The following DCC variants were observed in gnomAD, a reference collection of about 807,000 sequenced individuals.
DCC encodes the protein netrin receptor DCC.
DCC carries 58 observed loss-of-function variants against 172.5 expected under a neutral mutation model. The ratio of observed to expected loss-of-function variants is 0.34; its 90% CI spans 0.27 to 0.42. The LOEUF is 0.42. Among genes scored for constraint, DCC ranks in the 10% least tolerant of loss-of-function variants. The pLI is 1.00. For missense variants in DCC, 1,740 were observed against 1,791.0 expected, an observed-to-expected ratio of 0.97 and a Z score of 0.51; for synonymous variants, 709 against 644.5, an observed-to-expected ratio of 1.10 and a Z score of -1.52.
At chr18:53,503,024 G>A (rs1352881594) in intron 27 of DCC, among the ~76,000 whole-genome samples, 3 of 151,786 alleles carry the variant, frequency 2.0e-5, no homozygotes, top group Non-Finnish European at 2.9e-5. Context: ...CCTACCCACC[G>A]ACAGGCCCCA....
chr18:52,438,353 A>T (rs1021049749), intron 1 of DCC, among the ~76,000 whole-genome samples: 31 of 152,284 alleles, frequency 2.0e-4, no homozygotes, highest in African/African-American at 7.0e-4. Context: ...CTATTTCTCT[A>T]TGTGGTGTTT....
intron 25 of DCC, among the ~76,000 whole-genome samples, chr18:53,472,007 G>T (rs927057562): frequency 2.6e-5 from 4 of 152,082 alleles, no homozygotes; most frequent in African/African-American, 4.8e-5. Context: ...CCTGGCACAT[G>T]GTAGGCATGC....
intron 1 of DCC, among the ~76,000 whole-genome samples, chr18:52,725,488 A>G (rs911381242): frequency 1.3e-5 from 2 of 152,222 alleles, no homozygotes; most frequent in African/African-American, 4.8e-5. Context: ...ACCTATTGCT[A>G]CAGCCTGTGC....
Position 52,911,341 on chromosome 18 carries a change from C to A in DCC, c.697+5013C>A, listed in dbSNP as rs145858107. Reference sequence around the variant, plus strand: ...TTTGGAAGGTTTGCATAGATTATTACTTTTATAGGTCATAAGGGAAGAACT... The same window carrying A: ...TTTGGAAGGTTTGCATAGATTATTAATTTTATAGGTCATAAGGGAAGAACT... On this transcript the variant is annotated intron_variant, in intron 3 of 28. Coordinates refer to ENST00000442544, the MANE Select transcript of DCC (RefSeq NM_005215.4). Among the ~76,000 whole-genome samples the A allele has an allele frequency of 4.3e-3, 651 of 152,098 alleles. 8 individuals are homozygous for A. The highest frequency in any genetic ancestry group is 0.014 in the African/African-American group (585 of 41,522).
chr18:52,482,595 C>T (rs984542365), intron 1 of DCC, among the ~76,000 whole-genome samples: 5 of 152,120 alleles, frequency 3.3e-5, no homozygotes, highest in Non-Finnish European at 5.9e-5. Context: ...TCTCTGGGGT[C>T]CCTTTTATAA....
intron 1 of DCC, among the ~76,000 whole-genome samples, chr18:52,679,349 T>G (rs1189404598): frequency 1.3e-5 from 2 of 152,004 alleles, no homozygotes; most frequent in Non-Finnish European, 2.9e-5. Context: ...AGCTTTACAT[T>G]TTTTGATAGT....
chr18:52,728,937 G>T (rs1188724739), intron 1 of DCC, among the ~76,000 whole-genome samples: 1 of 152,172 alleles, frequency 6.6e-6, no homozygotes, highest in Non-Finnish European at 1.5e-5. Flanking sequence ...GAAGTGATTA[G>T]AAATATTAAT....
intron 8 of DCC, 143 bp downstream of exon 8, chr18:53,157,655 G>T: frequency 1.2e-6 from 1 of 817,750 alleles, no homozygotes; most frequent in East Asian, 2.7e-5. Context: ...ATTCCCCAGT[G>T]GAGATGTGCA....
In DCC at chr18:53,474,795, G is replaced by A. The variant is rs573600882; in HGVS notation, c.3736+6785G>A. 4.1e-4 allele frequency among the ~76,000 whole-genome samples: 63 copies of A among 152,354 alleles called. 1 individual carries two copies. In the Middle Eastern group the frequency reaches 0.01, roughly 25 times the overall value. ...CATTGCTGTTAAGATACTCAAAAAT[G>A]TGGAAGTGACTTTGGAGCTCAGTAA... On this transcript the variant is annotated intron_variant, in intron 25 of 28. Coordinates refer to ENST00000442544, the MANE Select transcript of DCC (RefSeq NM_005215.4).
At chr18:52,619,880 C>A (rs2034449090) in intron 1 of DCC, among the ~76,000 whole-genome samples, 1 of 152,158 alleles carries the variant, frequency 6.6e-6, no homozygotes, top group Non-Finnish European at 1.5e-5. Context: ...AAGGCAACCA[C>A]CTCTCAGTGA....
At chr18:52,393,451 C>A (rs1986104079) in intron 1 of DCC, among the ~76,000 whole-genome samples, 1 of 152,004 alleles carries the variant, frequency 6.6e-6, no homozygotes, top group African/African-American at 2.4e-5. Flanking sequence ...TGAGACCTAG[C>A]AATCCATATT....
chr18:52,363,785 G>A (rs1984724107), intron 1 of DCC, among the ~76,000 whole-genome samples: 1 of 152,202 alleles, frequency 6.6e-6, no homozygotes, highest in Non-Finnish European at 1.5e-5. Flanking sequence ...GCCTCCCAAT[G>A]TGCCCTGCTT....
At chr18:53,526,507 A>G in intron 27 of DCC, 110 bp from the exon 28 acceptor site, 1 of 1,136,310 alleles carries the variant, frequency 8.8e-7, no homozygotes, top group Non-Finnish European at 1.3e-6. Flanking sequence ...CTACAGAATG[A>G]GCAATAACCT....
intron 15 of DCC, among the ~76,000 whole-genome samples, chr18:53,364,321 AT>A (rs200786313): frequency 2.2e-4 from 34 of 151,188 alleles, no homozygotes; most frequent in East Asian, 1.7e-3. Context: ...TAATATTTCT[AT>A]TTTTTTTTCT....
intron 12 of DCC, among the ~76,000 whole-genome samples, chr18:53,301,598 A>C (rs1158949227): frequency 6.6e-6 from 1 of 152,066 alleles, no homozygotes; most frequent in Admixed American, 6.5e-5. Flanking sequence ...CCCTGCCTCC[A>C]TTCCCTAAAG....
chr18:53,273,732 C>CTT lies in DCC; in HGVS notation c.1912-31834_1912-31833dup, dbSNP rs35717258. Reference sequence around the variant, plus strand: ...CCTTAGGTCCTATCTCTTTCTGCTGCTTTTTTTTTTTTTACCCCAGTTATT... The same window carrying CTT: ...CCTTAGGTCCTATCTCTTTCTGCTGCTTTTTTTTTTTTTTTACCCCAGTTATT... On this transcript the variant is annotated intron_variant, in intron 12 of 28. Transcript: ENST00000442544. 9.1e-3 allele frequency among the ~76,000 whole-genome samples: 1,315 copies of CTT among 145,008 alleles called. 19 individuals are homozygous for CTT. Among genetic ancestry groups the CTT allele is most frequent in the Middle Eastern group, 0.011 (3 of 282 alleles).
intron 15 of DCC, among the ~76,000 whole-genome samples, chr18:53,346,887 T>G (rs1038750868): frequency 6.6e-6 from 1 of 152,204 alleles, no homozygotes; most frequent in African/African-American, 2.4e-5. Context: ...AATCTGAGTT[T>G]TATTACAATC....
At chr18:53,446,109 A>C (rs1326818806) in intron 22 of DCC, among the ~76,000 whole-genome samples, 33 of 142,558 alleles carry the variant, frequency 2.3e-4, no homozygotes, top group East Asian at 3.9e-4. Context: ...AAAAAAAAAA[A>C]AAAAACAAAA....
chr18:53,215,714 G>T, intron 12 of DCC, 117 bp downstream of exon 12: 3 of 836,404 alleles, frequency 3.6e-6, no homozygotes, highest in Non-Finnish European at 6.3e-6. Context: ...GTGCAGAAAT[G>T]TTCTGGAACA....
Sources: gnomAD v4.1 joint callset for allele counts (sites outside exome capture counted in the v4.1 genomes callset) on GRCh38, gnomAD v4.1.1 for gene constraint, MANE v1.5 for transcripts, NCBI Gene and HGNC (gene_info 2026-07-23, HGNC 2026-07-21) for gene names.